Variants in KCNG3 observed in about 807,000 individuals in gnomAD.
KCNG3 encodes potassium voltage-gated channel modifier subfamily G member 3, also known as voltage-gated potassium channel regulatory subunit KCNG3.
A neutral mutation model predicts 29.0 loss-of-function variants in KCNG3; 15 were observed. The observed-to-expected ratio is 0.52, with a 90% CI of 0.35 to 0.80. The LOEUF (loss-of-function observed/expected upper bound fraction) is 0.80. Among genes scored for constraint, KCNG3 ranks in the 30% least tolerant of loss-of-function variants. The probability of loss-of-function intolerance (pLI) is 0.01; values close to 1 mark genes in which losing one functional copy is unlikely to be tolerated. For missense variants in KCNG3, 512 were observed against 605.7 expected, an observed-to-expected ratio of 0.85 and a Z score of 1.62; for synonymous variants, 322 against 248.9, an observed-to-expected ratio of 1.29 and a Z score of -2.76.
chr2:42,416,995 T>A, the KCNG3 span, among the ~76,000 whole-genome samples: 1 of 152,142 alleles, frequency 6.6e-6, no homozygotes, highest in South Asian at 2.1e-4. Context: ...ATGCCTGTAA[T>A]CCCAGCACTT....
downstream of KCNG3, among the ~76,000 whole-genome samples, chr2:42,440,808 CCT>C (rs1243998364): frequency 6.6e-6 from 1 of 152,104 alleles, no homozygotes; most frequent in East Asian, 1.9e-4. Context: ...AAATATATTC[CCT>C]AATTTTGTGT....
chr2:42,420,700 G>A, the KCNG3 span, among the ~76,000 whole-genome samples: 1 of 152,122 alleles, frequency 6.6e-6, no homozygotes, highest in African/African-American at 2.4e-5. Flanking sequence ...GAGGCAGGGA[G>A]AATCACTTGA....
downstream of KCNG3, among the ~76,000 whole-genome samples, chr2:42,439,275 T>TGA (rs1553325537): frequency 3.3e-5 from 5 of 151,342 alleles, no homozygotes; most frequent in South Asian, 2.1e-4. Context: ...ATGATTTTTT[T>TGA]GAGAGAGAGA....
At chr2:42,474,965 C>T (rs1673386920) in intron 1 of KCNG3, among the ~76,000 whole-genome samples, 1 of 152,174 alleles carries the variant, frequency 6.6e-6, no homozygotes, top group Non-Finnish European at 1.5e-5. Context: ...GACCAGGCTA[C>T]ACAAGGGCAA....
At chr2:42,461,890 T>C (rs188098398) in intron 1 of KCNG3, among the ~76,000 whole-genome samples, 53 of 152,356 alleles carry the variant, frequency 3.5e-4, no homozygotes, top group Admixed American at 2.7e-3. Flanking sequence ...TCTTTAATAG[T>C]ATATTACCAT....
At chr2:42,388,396 T>C in the KCNG3 span, 2 of 152,224 alleles carry the variant, frequency 1.3e-5, no homozygotes, top group Non-Finnish European at 2.9e-5. Context: ...AAGCAATTGA[T>C]ATTCACTACA....
At chr2:42,484,174 A>C in intron 1 of KCNG3, among the ~76,000 whole-genome samples, 1 of 152,154 alleles carries the variant, frequency 6.6e-6, no homozygotes, top group Non-Finnish European at 1.5e-5. Flanking sequence ...TTAAAAGAGA[A>C]AATCTGACCG....
the KCNG3 span, among the ~76,000 whole-genome samples, chr2:42,397,260 A>G: frequency 6.6e-6 from 1 of 150,986 alleles, no homozygotes. Context: ...AAAAAAAGAG[A>G]AAAAAAAAGC....
chr2:42,492,701 C>T, intron 1 of KCNG3, 136 bp downstream of exon 1: 1 of 626,488 alleles, frequency 1.6e-6, no homozygotes, highest in Non-Finnish European at 2.1e-6. Context: ...CGTAGTTGGC[C>T]GCGCCTGGGC....
the KCNG3 span, among the ~76,000 whole-genome samples, chr2:42,419,528 C>T: frequency 6.6e-6 from 1 of 152,004 alleles, no homozygotes; most frequent in Non-Finnish European, 1.5e-5. Flanking sequence ...AGGCGTATCC[C>T]ACCTGTAATC....
chr2:42,463,958 C>T, intron 1 of KCNG3: 1 of 328,488 alleles, frequency 3.0e-6, no homozygotes, highest in African/African-American at 2.2e-5. Flanking sequence ...ACATCCCTGG[C>T]AGATTTGCCA....
downstream of KCNG3, among the ~76,000 whole-genome samples, chr2:42,439,063 C>A (rs75233745): frequency 2.8e-3 from 419 of 152,264 alleles, 14 homozygotes; most frequent in East Asian, 0.072. Context: ...AATGCAGTGA[C>A]AACTATCAAA....
At chr2:42,449,538 G>A (rs989958525) in intron 1 of KCNG3, among the ~76,000 whole-genome samples, 4 of 110,420 alleles carry the variant, frequency 3.6e-5, no homozygotes, top group Admixed American at 1.2e-4. Context: ...TTTTTTTTGA[G>A]ACAGGGTCTC....
intron 1 of KCNG3, among the ~76,000 whole-genome samples, chr2:42,485,587 G>A (rs901828995): frequency 5.3e-5 from 8 of 152,198 alleles, no homozygotes; most frequent in African/African-American, 1.7e-4. Flanking sequence ...TCGGACTACA[G>A]GCGCCCGCCA....
At chr2:42,453,217 A>G (rs962552691) in intron 1 of KCNG3, among the ~76,000 whole-genome samples, 1 of 152,214 alleles carries the variant, frequency 6.6e-6, no homozygotes, top group Non-Finnish European at 1.5e-5. Flanking sequence ...CACCCACTCA[A>G]CAGTGGGATT....
chr2:42,461,406 G>A (rs1204880587), intron 1 of KCNG3, among the ~76,000 whole-genome samples: 5 of 152,016 alleles, frequency 3.3e-5, no homozygotes, highest in Admixed American at 1.3e-4. Context: ...CAAGATTTCT[G>A]ACTGACCCAG....
chr2:42,434,076 A>G, the KCNG3 span, among the ~76,000 whole-genome samples: 1 of 152,198 alleles, frequency 6.6e-6, no homozygotes, highest in Non-Finnish European at 1.5e-5. Context: ...TAATTTATCT[A>G]CAGATTCAAT....
intron 1 of KCNG3, among the ~76,000 whole-genome samples, chr2:42,454,200 G>A (rs909762368): frequency 3.3e-5 from 5 of 151,780 alleles, no homozygotes; most frequent in African/African-American, 1.2e-4. Context: ...GAGGTTCCTC[G>A]AAAAATTAAA....
intron 1 of KCNG3, among the ~76,000 whole-genome samples, chr2:42,457,612 C>T (rs1228332534): frequency 7.5e-6 from 1 of 132,794 alleles, no homozygotes; most frequent in African/African-American, 2.8e-5. Context: ...TTTGGGAGGC[C>T]GAGGCAGGCA....
Sources: gnomAD v4.1 joint callset for allele counts (sites outside exome capture counted in the v4.1 genomes callset) on GRCh38, gnomAD v4.1.1 for gene constraint, MANE v1.5 for transcripts, NCBI Gene and HGNC (gene_info 2026-07-23, HGNC 2026-07-21) for gene names.